RAD51B: variants seen among roughly 807,000 people sequenced by gnomAD.
RAD51B encodes the protein DNA repair protein RAD51 homolog 2.
In RAD51B, 38 loss-of-function variants were observed where a neutral mutation model predicts 42.2. The ratio of observed to expected loss-of-function variants is 0.90; its 90% CI spans 0.70 to 1.18. The LOEUF is 1.18. Ranked by LOEUF, RAD51B falls within the 50% of genes most tolerant of loss-of-function variation. RAD51B has a pLI of 0.00. For synonymous variants in RAD51B, 154 were observed against 145.2 expected (o/e 1.06, Z -0.43); for missense variants, 373 against 400.7 (o/e 0.93, Z 0.59).
At chr14:68,309,737 C>T (rs1315214179) in intron 8 of RAD51B, among the ~76,000 whole-genome samples, 2 of 152,122 alleles carry the variant, frequency 1.3e-5, no homozygotes, top group African/African-American at 4.8e-5. Flanking sequence ...GTGTTGTTTG[C>T]TGTAAAACAT....
chr14:67,855,166 G>A (rs2041947509), intron 4 of RAD51B, among the ~76,000 whole-genome samples: 1 of 152,004 alleles, frequency 6.6e-6, no homozygotes, highest in African/African-American at 2.4e-5. Flanking sequence ...CCAAAGTGCT[G>A]GGATTACAGG....
At chr14:68,536,876 G>A (rs1887652880) in intron 10 of RAD51B, among the ~76,000 whole-genome samples, 1 of 147,682 alleles carries the variant, frequency 6.8e-6, no homozygotes, top group East Asian at 2.1e-4. Flanking sequence ...GAGCCCAGGA[G>A]TTTAGGACCA....
At chr14:68,489,996 G>A (rs1223772224) in intron 10 of RAD51B, among the ~76,000 whole-genome samples, 1 of 152,200 alleles carries the variant, frequency 6.6e-6, no homozygotes, top group Non-Finnish European at 1.5e-5. Flanking sequence ...GAAGTGGGGA[G>A]AATTGCAGAA....
chr14:68,137,433 A>G (rs923557655), intron 7 of RAD51B, among the ~76,000 whole-genome samples: 1 of 152,228 alleles, frequency 6.6e-6, no homozygotes, highest in Non-Finnish European at 1.5e-5. Flanking sequence ...TTTTAAAATC[A>G]AAGTGTTCTT....
chr14:68,204,027 TATC>T (rs2140931108), intron 7 of RAD51B, among the ~76,000 whole-genome samples: 1 of 152,350 alleles, frequency 6.6e-6, no homozygotes, highest in African/African-American at 2.4e-5. Flanking sequence ...TTTGCCTTCT[TATC>T]ATTCATGTGT....
intron 8 of RAD51B, among the ~76,000 whole-genome samples, chr14:68,322,433 T>G (rs1202354258): frequency 6.6e-6 from 1 of 152,216 alleles, no homozygotes; most frequent in Non-Finnish European, 1.5e-5. Context: ...TTGCTTTTGC[T>G]GCCTTTGCTT....
At chr14:67,981,002 A>G (rs2075081885) in intron 7 of RAD51B, among the ~76,000 whole-genome samples, 2 of 152,208 alleles carry the variant, frequency 1.3e-5, no homozygotes, top group Non-Finnish European at 2.9e-5. Flanking sequence ...TATTCAAAAT[A>G]TATAAGGAAC....
chr14:68,679,327 C>T (rs1893380377), intron 11 of RAD51B, among the ~76,000 whole-genome samples: 2 of 152,210 alleles, frequency 1.3e-5, no homozygotes, highest in Admixed American at 1.3e-4. Flanking sequence ...ACATTACCAA[C>T]ATTACATAAA....
At chr14:67,946,024 G>A (rs1275781051) in intron 7 of RAD51B, among the ~76,000 whole-genome samples, 2 of 152,080 alleles carry the variant, frequency 1.3e-5, no homozygotes, top group Non-Finnish European at 2.9e-5. Flanking sequence ...TCTCAAATAG[G>A]CATCTTAGAG....
At chr14:67,843,477 C>T (rs967445764) in intron 4 of RAD51B, 5 of 152,126 alleles carry the variant, frequency 3.3e-5, no homozygotes, top group African/African-American at 9.7e-5. Flanking sequence ...GTGAACATGT[C>T]TGGTCCTGGG....
chr14:67,868,497 C>T (rs1311859685), intron 5 of RAD51B, among the ~76,000 whole-genome samples: 58 of 152,264 alleles, frequency 3.8e-4, no homozygotes, highest in Non-Finnish European at 7.6e-4. Context: ...AAGGCGGCAG[C>T]GAGGCTCAGG....
intron 7 of RAD51B, among the ~76,000 whole-genome samples, chr14:67,915,452 A>G (rs1448754919): frequency 6.6e-6 from 1 of 152,210 alleles, no homozygotes; most frequent in African/African-American, 2.4e-5. Context: ...TACCAGCAAT[A>G]GCTTCCCATT....
chr14:68,046,714 C>G (rs552321503), intron 7 of RAD51B, among the ~76,000 whole-genome samples: 4 of 152,086 alleles, frequency 2.6e-5, no homozygotes, highest in African/African-American at 9.7e-5. Flanking sequence ...CCAACCTGGG[C>G]GACAGAGTGA....
intron 10 of RAD51B, among the ~76,000 whole-genome samples, chr14:68,618,918 TC>T (rs1891882188): frequency 6.6e-6 from 1 of 152,110 alleles, no homozygotes; most frequent in Non-Finnish European, 1.5e-5. Context: ...CTAACCCAAG[TC>T]TTTTCCTCTA....
chr14:68,626,138 T>A (rs1427638815), intron 10 of RAD51B, among the ~76,000 whole-genome samples: 1 of 152,216 alleles, frequency 6.6e-6, no homozygotes, highest in Non-Finnish European at 1.5e-5. Flanking sequence ...TATAGGTCCC[T>A]ATCTTCAAGG....
At chr14:67,930,327 T>TTG (rs971363968) in intron 7 of RAD51B, among the ~76,000 whole-genome samples, 4 of 151,946 alleles carry the variant, frequency 2.6e-5, no homozygotes, top group South Asian at 2.1e-4. Context: ...TGTGTATACT[T>TTG]TGTGTGTGTG....
chr14:68,626,497 T>C (rs970379260), intron 10 of RAD51B, among the ~76,000 whole-genome samples: 3 of 152,218 alleles, frequency 2.0e-5, no homozygotes, highest in African/African-American at 4.8e-5. Context: ...CGGCTAGGGC[T>C]GAAATCATCT....
At chr14:68,396,097 C>A (rs953186708) in intron 8 of RAD51B, among the ~76,000 whole-genome samples, 1 of 152,098 alleles carries the variant, frequency 6.6e-6, no homozygotes, top group South Asian at 2.1e-4. Context: ...ACACGGGCAC[C>A]GGCAGAGTTG....
chr14:68,395,223 G>T (rs765516082), intron 8 of RAD51B, among the ~76,000 whole-genome samples: 2 of 151,996 alleles, frequency 1.3e-5, no homozygotes, highest in South Asian at 4.1e-4. Flanking sequence ...CTCTTTGCCC[G>T]ATTCCTATGA....
Sources: gnomAD v4.1 joint callset for allele counts (sites outside exome capture counted in the v4.1 genomes callset) on GRCh38, gnomAD v4.1.1 for gene constraint, MANE v1.5 for transcripts, NCBI Gene and HGNC (gene_info 2026-07-23, HGNC 2026-07-21) for gene names.